Variants in PRP4K observed in about 807,000 individuals in gnomAD.
PRP4K encodes the protein pre-mRNA processing factor kinase PRP4K, also known as serine/threonine-protein kinase PRP4 homolog.
chr6:4,051,161 C>T, the PRP4K span, among the ~76,000 whole-genome samples: 12,849 of 152,092 alleles, frequency 0.084, 602 homozygotes, highest in Middle Eastern at 0.23. Flanking sequence ...CCACCTGCCT[C>T]GGCCTCCCAA....
At chr6:4,021,380 G>T in the PRP4K span, 5 of 1,557,202 alleles carry the variant, frequency 3.2e-6, no homozygotes, top group Non-Finnish European at 4.3e-6. Flanking sequence ...ACCCTCCACC[G>T]TCCGGGAGCC....
chr6:4,032,311 T>C, the PRP4K span: 298 of 1,613,420 alleles, frequency 1.8e-4, no homozygotes, highest in Non-Finnish European at 2.4e-4. Context: ...AAGGTTAAAA[T>C]TGAAGATAAA....
the PRP4K span, chr6:4,037,676 G>T: frequency 2.7e-6 from 3 of 1,099,618 alleles, no homozygotes; most frequent in Non-Finnish European, 3.8e-6. Flanking sequence ...CTGAAAAATC[G>T]TAGTTGTGTT....
the PRP4K span, among the ~76,000 whole-genome samples, chr6:4,051,528 G>C: frequency 6.6e-6 from 1 of 152,014 alleles, no homozygotes; most frequent in Non-Finnish European, 1.5e-5. Context: ...TGTTGACCAG[G>C]CTGGTCTTGA....
the PRP4K span, chr6:4,058,644 A>G: frequency 1.0e-6 from 1 of 971,904 alleles, no homozygotes; most frequent in South Asian, 1.4e-5. Context: ...TAACATACTT[A>G]TTTGACTTAT....
the PRP4K span, among the ~76,000 whole-genome samples, chr6:4,023,606 G>A: frequency 6.6e-6 from 1 of 152,168 alleles, no homozygotes; most frequent in Admixed American, 6.5e-5. Flanking sequence ...AATTTATTGA[G>A]AACTAATTTC....
At chr6:4,032,850 G>C in the PRP4K span, 1 of 1,287,900 alleles carries the variant, frequency 7.8e-7, no homozygotes. Flanking sequence ...GAAGTAGTAA[G>C]TAAAAATAAA....
the PRP4K span, among the ~76,000 whole-genome samples, chr6:4,055,620 G>C: frequency 2.0e-5 from 3 of 152,170 alleles, no homozygotes. Context: ...TGACTCATGA[G>C]TGGCAGCAGT....
chr6:4,027,153 A>G, the PRP4K span, among the ~76,000 whole-genome samples: 1 of 152,332 alleles, frequency 6.6e-6, no homozygotes. Flanking sequence ...CTTTTAAAGC[A>G]TCTTAATCAA....
At chr6:4,049,960 T>C in the PRP4K span, 6 of 1,432,580 alleles carry the variant, frequency 4.2e-6, no homozygotes, top group Non-Finnish European at 5.7e-6. Flanking sequence ...TTTTTTAAAG[T>C]GATACATGAT....
chr6:4,042,022 T>G, the PRP4K span, among the ~76,000 whole-genome samples: 1 of 152,160 alleles, frequency 6.6e-6, no homozygotes, highest in Non-Finnish European at 1.5e-5. Context: ...AGAGCCACAT[T>G]CCCCTTCAGA....
At chr6:4,038,105 T>G in the PRP4K span, among the ~76,000 whole-genome samples, 1 of 152,254 alleles carries the variant, frequency 6.6e-6, no homozygotes, top group African/African-American at 2.4e-5. Context: ...ATATAAAACA[T>G]AAATGGGTAT....
the PRP4K span, chr6:4,052,956 A>G: frequency 5.0e-5 from 64 of 1,278,092 alleles, 1 homozygote; most frequent in Middle Eastern, 5.8e-4. Context: ...ACTATGAGAA[A>G]CGACATCTTA....
chr6:4,058,356 A>G, the PRP4K span, among the ~76,000 whole-genome samples: 2 of 152,238 alleles, frequency 1.3e-5, no homozygotes, highest in African/African-American at 2.4e-5. Flanking sequence ...GAACATAATT[A>G]GTAAAGTGGC....
the PRP4K span, chr6:4,060,653 A>G: frequency 6.4e-7 from 1 of 1,551,204 alleles, no homozygotes. The surrounding 1 kb of genome is among the most constrained non-coding windows in gnomAD (Gnocchi z 4.7). Context: ...GAGTAAATAC[A>G]AAGACTGAAG....
chr6:4,029,814 C>T, the PRP4K span, among the ~76,000 whole-genome samples: 1 of 152,122 alleles, frequency 6.6e-6, no homozygotes, highest in Non-Finnish European at 1.5e-5. Context: ...CCATAATGCC[C>T]CTATTTGTGT....
the PRP4K span, among the ~76,000 whole-genome samples, chr6:4,053,093 T>A: frequency 2.0e-5 from 3 of 152,246 alleles, no homozygotes; most frequent in Non-Finnish European, 4.4e-5. Flanking sequence ...TTGTCCCTTT[T>A]TTTCTCTTTT....
the PRP4K span, among the ~76,000 whole-genome samples, chr6:4,022,359 A>C: frequency 2.0e-5 from 3 of 151,802 alleles, no homozygotes; most frequent in Non-Finnish European, 4.4e-5. Flanking sequence ...GTTAACTTAA[A>C]GCAGTATTTT....
the PRP4K span, among the ~76,000 whole-genome samples, chr6:4,039,009 G>A: frequency 6.6e-6 from 1 of 150,584 alleles, no homozygotes; most frequent in South Asian, 2.1e-4. Context: ...ATGTTTTCTG[G>A]AAATAGTATT....
Sources: gnomAD v4.1 joint callset for allele counts (sites outside exome capture counted in the v4.1 genomes callset) on GRCh38, gnomAD v4.1.1 for gene constraint, Gnocchi (gnomAD v3.1) non-coding constraint, MANE v1.5 for transcripts, NCBI Gene and HGNC (gene_info 2026-07-23, HGNC 2026-07-21) for gene names.